The following RANBP10 variants were observed in gnomAD, a reference collection of about 807,000 sequenced individuals.
RANBP10 encodes the protein ran-binding protein 10.
Under a neutral mutation model 72.8 loss-of-function variants are expected in RANBP10, and 24 were observed. The observed-to-expected ratio is 0.33, with a 90% confidence interval of 0.24 to 0.46. The LOEUF (loss-of-function observed/expected upper bound fraction) is 0.46, where lower values mean the gene tolerates loss of function less well. Among genes scored for constraint, RANBP10 ranks in the 20% least tolerant of loss-of-function variants. The probability of loss-of-function intolerance (pLI) is 1.00; values close to 1 mark genes in which losing one functional copy is unlikely to be tolerated. For synonymous variants in RANBP10, 310 were observed against 322.3 expected (o/e 0.96, Z 0.41); for missense variants, 679 against 817.5 (o/e 0.83, Z 2.07).
intron 13 of RANBP10, 31 bp from the exon 14 acceptor site, chr16:67,726,589 G>T: frequency 6.5e-7 from 1 of 1,537,958 alleles, no homozygotes; most frequent in South Asian, 1.2e-5. Flanking sequence ...CTGGTCACTG[G>T]CCTGCCCAGG....
At chr16:67,746,152 G>C (rs1312681963) in intron 3 of RANBP10, among the ~76,000 whole-genome samples, 1 of 146,772 alleles carries the variant, frequency 6.8e-6, no homozygotes. Flanking sequence ...GCGAAACTCT[G>C]TCTCAAAAAA....
intron 3 of RANBP10, among the ~76,000 whole-genome samples, chr16:67,748,393 G>A (rs2054129247): frequency 6.6e-6 from 1 of 151,626 alleles, no homozygotes; most frequent in African/African-American, 2.4e-5. Context: ...CGTGGTGGCG[G>A]GCGCCTGTAA....
chr16:67,754,740 G>T (rs1184381049), intron 3 of RANBP10, among the ~76,000 whole-genome samples: 1 of 152,222 alleles, frequency 6.6e-6, no homozygotes, highest in African/African-American at 2.4e-5. Flanking sequence ...TGCCAGGAAA[G>T]CCAGTGGGGC....
intron 3 of RANBP10, among the ~76,000 whole-genome samples, chr16:67,752,224 A>AT (rs1438182139): frequency 6.6e-6 from 1 of 152,200 alleles, no homozygotes; most frequent in Admixed American, 6.5e-5. Context: ...TGCAGAAGTG[A>AT]TTAAGTTAAA....
chr16:67,788,816 C>CA (rs2054970245), intron 2 of RANBP10, among the ~76,000 whole-genome samples: 1 of 148,348 alleles, frequency 6.7e-6, no homozygotes, highest in Non-Finnish European at 1.5e-5. Context: ...GCCTGGCCAA[C>CA]ATGGTGAACT....
At chr16:67,759,090 C>T (rs1269685207) in intron 3 of RANBP10, among the ~76,000 whole-genome samples, 2 of 152,244 alleles carry the variant, frequency 1.3e-5, no homozygotes, top group Non-Finnish European at 2.9e-5. Flanking sequence ...CCATTAGCCA[C>T]CGCTTGAATC....
chr16:67,765,707 G>A (rs2054488800), intron 3 of RANBP10, among the ~76,000 whole-genome samples: 1 of 151,696 alleles, frequency 6.6e-6, no homozygotes, highest in African/African-American at 2.4e-5. Flanking sequence ...GTGGTGGTGG[G>A]CGCCTGTAGT....
chr16:67,730,012 G>A lies in RANBP10; in HGVS notation c.924C>T (p.Gly308=), dbSNP rs774977225. 4 of 1,613,146 alleles carry A rather than the reference G, an allele frequency of 2.5e-6. No individual in the cohort carries two copies. Among genetic ancestry groups the A allele is most frequent in the East Asian group, 2.2e-5 (1 of 44,870 alleles). The change falls in exon 8 of 14, where the codon GGC becomes GGT. Residue 308 remains glycine (G), a synonymous_variant. Transcript: ENST00000317506. This position sits in a 1 kb window ranked among gnomAD's most constrained non-coding sequence, Gnocchi z 4.3. ...AGCGCTGGGTGGTCTCGATGGCCTC[G>A]CCCACACGGCCCTCCAGCACCAGCT... The part of the protein sequence containing the change: ...IQKLVLEGRV[G]EAIETTQRFY...
chr16:67,728,381 G>A lies in RANBP10; in HGVS notation c.1474+9C>T. 6.2e-7 allele frequency: 1 copy of A among 1,613,470 alleles called. No homozygotes were observed. The highest frequency in any genetic ancestry group is 2.2e-5 in the East Asian group (1 of 44,844). ...CTCAAAGAATAGCACACCGGGCCGT[G>A]GCTCTCACCCATGCTGGACTCATCC... On this transcript the variant is annotated intron_variant, in intron 11 of 13. Transcript: ENST00000317506.
intron 3 of RANBP10, among the ~76,000 whole-genome samples, chr16:67,771,606 A>G (rs530466488): frequency 6.6e-6 from 1 of 152,230 alleles, no homozygotes; most frequent in East Asian, 1.9e-4. Context: ...CGGCCTCCCA[A>G]AGTGGGATTA....
intron 3 of RANBP10, among the ~76,000 whole-genome samples, chr16:67,771,115 A>C (rs747796850): frequency 6.6e-6 from 1 of 152,088 alleles, no homozygotes; most frequent in Non-Finnish European, 1.5e-5. Context: ...ACAAAAAATT[A>C]GCTGGACATG....
intron 3 of RANBP10, among the ~76,000 whole-genome samples, chr16:67,763,776 C>A (rs1235280948): frequency 6.6e-6 from 1 of 152,182 alleles, no homozygotes; most frequent in East Asian, 1.9e-4. Context: ...CTCACTGCAA[C>A]CTCCGCCTCC....
chr16:67,758,576 C>T (rs558226041), intron 3 of RANBP10, among the ~76,000 whole-genome samples: 102 of 152,310 alleles, frequency 6.7e-4, no homozygotes, highest in African/African-American at 2.5e-3. Context: ...AGGCAGGGGA[C>T]TGAATGGGAA....
At chr16:67,798,448 A>C (rs1415693814) in intron 2 of RANBP10, among the ~76,000 whole-genome samples, 1 of 152,192 alleles carries the variant, frequency 6.6e-6, no homozygotes, top group Non-Finnish European at 1.5e-5. Context: ...GGCAGGTGAG[A>C]TCTTAATCAA....
intron 2 of RANBP10, among the ~76,000 whole-genome samples, chr16:67,788,188 T>C (rs984470252): frequency 6.6e-6 from 1 of 152,014 alleles, no homozygotes; most frequent in Non-Finnish European, 1.5e-5. Context: ...TTTGATTGAC[T>C]GACTGATTGA....
chr16:67,744,303 T>C lies in RANBP10; in HGVS notation c.553A>G (p.Asn185Asp). Residue 185 changes from asparagine (N) to aspartate (D), a missense_variant, in exon 4 of 14, where the codon AAT becomes GAT. By Grantham distance (23) the Asn-to-Asp change is conservative. Transcript: ENST00000317506. ...ATGCACACACCAAGGCTGTGGCCAT[T>C]CTTGGTGTAGAAGCAGGTGCCATTG... Reference protein sequence around the residue: ...LINGTCFYTKNGHSLGIAFTD... With the variant: ...LINGTCFYTKDGHSLGIAFTD... The C allele has an allele frequency of 4.3e-6, 7 of 1,614,142 alleles. No homozygotes were observed. Among genetic ancestry groups the C allele is most frequent in the Non-Finnish European group, 5.1e-6 (6 of 1,179,980 alleles).
At chr16:67,765,752 C>T (rs773850654) in intron 3 of RANBP10, among the ~76,000 whole-genome samples, 54 of 152,128 alleles carry the variant, frequency 3.5e-4, no homozygotes, top group Non-Finnish European at 5.6e-4. Flanking sequence ...AGGAGAATGG[C>T]GTGAACCCAG....
chr16:67,732,553 C>A (rs940604793), intron 6 of RANBP10, among the ~76,000 whole-genome samples: 1 of 152,018 alleles, frequency 6.6e-6, no homozygotes, highest in African/African-American at 2.4e-5. Context: ...ACATAAAGTA[C>A]CTGGCAGGAA....
At chr16:67,727,929 G>C in intron 11 of RANBP10, 33 bp from the exon 12 acceptor site, 1 of 1,609,626 alleles carries the variant, frequency 6.2e-7, no homozygotes. Context: ...AACGTGTTAG[G>C]AGGGGTGAAG....
Sources: allele counts gnomAD v4.1 joint callset (sites outside exome capture counted in the v4.1 genomes callset), GRCh38; gene constraint gnomAD v4.1.1; non-coding constraint Gnocchi (gnomAD v3.1); transcripts MANE v1.5; gene names NCBI Gene and HGNC (gene_info 2026-07-23, HGNC 2026-07-21).